Variants in DCDC1 observed in about 807,000 individuals in gnomAD.
The protein encoded by DCDC1 is doublecortin domain containing 1.
DCDC1 carries 200 observed loss-of-function variants against 178.3 expected under a neutral mutation model. The observed-to-expected ratio is 1.12, with a 90% CI of 1.00 to 1.26. The LOEUF (loss-of-function observed/expected upper bound fraction) is 1.26, where lower values mean the gene tolerates loss of function less well. DCDC1 is among the 50% of genes most tolerant of loss of function. The pLI is 0.00. For missense variants in DCDC1, 1,983 were observed against 1,749.2 expected (o/e 1.13, Z -2.38); for synonymous variants, 690 against 604.8 (o/e 1.14, Z -2.07).
chr11:31,046,096 A>G (rs1360959654), intron 20 of DCDC1, among the ~76,000 whole-genome samples: 1 of 152,168 alleles, frequency 6.6e-6, no homozygotes, highest in Non-Finnish European at 1.5e-5. Flanking sequence ...GTTCAATCAC[A>G]AGACTCCCTT....
chr11:31,356,936 C>A (rs1431174221), intron 1 of DCDC1, among the ~76,000 whole-genome samples: 1 of 152,130 alleles, frequency 6.6e-6, no homozygotes, highest in Non-Finnish European at 1.5e-5. Context: ...GAAATTGTGG[C>A]AATAATCAAT....
rs147863843 is a variant in DCDC1 at position 30,912,602 on chromosome 11, A to G, written c.3654-1182T>C. Among the ~76,000 whole-genome samples the G allele has an allele frequency of 6.1e-3, 924 of 152,260 alleles. 5 individuals are homozygous for G. Among genetic ancestry groups the G allele is most frequent in the African/African-American group, 0.021 (883 of 41,556 alleles). ...CCGGCCCTGTTTCAGTTATTCTGTTATAAGTAACAGAAACTAGACTAAGAC... is the reference window on the plus strand; with the variant it reads ...CCGGCCCTGTTTCAGTTATTCTGTTGTAAGTAACAGAAACTAGACTAAGAC... On this transcript the variant is annotated intron_variant, in intron 27 of 38. Coordinates refer to ENST00000684477, the MANE Select transcript of DCDC1 (RefSeq NM_001387274.1).
chr11:31,074,635 T>A (rs1956760353), intron 18 of DCDC1, among the ~76,000 whole-genome samples: 1 of 152,152 alleles, frequency 6.6e-6, no homozygotes, highest in Admixed American at 6.5e-5. Flanking sequence ...GTATGAGAAA[T>A]AAATTTCTAT....
Position 30,920,287 on chromosome 11 carries a change from A to C in DCDC1, c.3293+489T>G, listed in dbSNP as rs570975265. On this transcript the variant is annotated intron_variant, in intron 25 of 38. Transcript: ENST00000684477. ...TGTCTGCAATAGGTACCCTTAAAAA[A>C]CTATGTGAAAAGGATTGTACATTAG... Among the ~76,000 whole-genome samples, 15 of 152,216 alleles carry C rather than the reference A, an allele frequency of 9.9e-5. No homozygotes were observed. In the South Asian group the frequency reaches 3.1e-3, roughly 32 times the overall value.
chr11:31,014,999 T>C (rs371196881), intron 20 of DCDC1, among the ~76,000 whole-genome samples: 1 of 151,704 alleles, frequency 6.6e-6, no homozygotes, highest in African/African-American at 2.4e-5. Flanking sequence ...CCGGGCTGGA[T>C]TGCAGTGGCG....
At chr11:31,012,566 T>C (rs997086317) in intron 20 of DCDC1, among the ~76,000 whole-genome samples, 1 of 151,036 alleles carries the variant, frequency 6.6e-6, no homozygotes, top group Non-Finnish European at 1.5e-5. Flanking sequence ...GACTGTGCCA[T>C]TGCATTCCGG....
chr11:31,021,192 A>G (rs1382410597), intron 20 of DCDC1, among the ~76,000 whole-genome samples: 7 of 152,242 alleles, frequency 4.6e-5, no homozygotes, highest in Admixed American at 6.5e-5. Context: ...AAAATTAAAT[A>G]CAAACATATC....
intron 36 of DCDC1, chr11:30,882,319 T>G (rs1438115862): frequency 1.3e-5 from 2 of 152,164 alleles, no homozygotes; most frequent in Admixed American, 1.3e-4. Context: ...GTATTTTGAG[T>G]AAGGGATGAG....
intron 9 of DCDC1, among the ~76,000 whole-genome samples, chr11:31,191,380 T>C (rs1970111484): frequency 6.6e-6 from 1 of 152,084 alleles, no homozygotes; most frequent in South Asian, 2.1e-4. Flanking sequence ...CTTCTACTAG[T>C]ATTCCCTTTA....
chr11:31,056,056 G>A (rs552914788), intron 20 of DCDC1, among the ~76,000 whole-genome samples: 32 of 152,258 alleles, frequency 2.1e-4, no homozygotes, highest in South Asian at 6.2e-4. Flanking sequence ...AGCATTTAGA[G>A]AGAAAGTGCA....
chr11:31,083,895 C>G (rs1957333625), intron 17 of DCDC1, among the ~76,000 whole-genome samples: 1 of 152,162 alleles, frequency 6.6e-6, no homozygotes, highest in Non-Finnish European at 1.5e-5. Context: ...AAAAATGAAG[C>G]AATATCAATA....
At position 31,082,849 on chromosome 11, in the gene DCDC1, G is replaced by C. The variant is rs1008846260; in HGVS notation, c.2238-4924C>G. Reference sequence around the variant, plus strand: ...GCTCTGGTGTCTACCAATGCTACCCGGGCCAAAAGTAGAATGCACGTAGAG... The same window carrying C: ...GCTCTGGTGTCTACCAATGCTACCCCGGCCAAAAGTAGAATGCACGTAGAG... On this transcript the variant is annotated intron_variant, in intron 17 of 38. Transcript: ENST00000684477. Among the ~76,000 whole-genome samples, 3 of 152,072 alleles carry C rather than the reference G, an allele frequency of 2.0e-5. 1 individual carries two copies. The highest frequency in any genetic ancestry group is 1.5e-5 in the Non-Finnish European group (1 of 67,996).
chr11:30,900,832 A>G (rs1006131944), intron 32 of DCDC1, among the ~76,000 whole-genome samples: 2 of 152,156 alleles, frequency 1.3e-5, no homozygotes, highest in Non-Finnish European at 2.9e-5. Context: ...GTATAGGAAT[A>G]GACTAAATCC....
At chr11:31,011,842 GTAAC>G (rs1185411206) in intron 20 of DCDC1, among the ~76,000 whole-genome samples, 6 of 152,184 alleles carry the variant, frequency 3.9e-5, no homozygotes. Flanking sequence ...ATATTATGTG[GTAAC>G]TAAAAGATAG....
chr11:31,368,883 A>G (rs952014283), intron 1 of DCDC1, among the ~76,000 whole-genome samples: 1 of 152,198 alleles, frequency 6.6e-6, no homozygotes, highest in Non-Finnish European at 1.5e-5. Flanking sequence ...AGCAGCACAA[A>G]GAAGTAATAA....
intron 9 of DCDC1, among the ~76,000 whole-genome samples, chr11:31,209,586 G>A (rs998351641): frequency 3.3e-5 from 5 of 152,208 alleles, no homozygotes; most frequent in African/African-American, 4.8e-5. Flanking sequence ...CATCTACAAT[G>A]CATGGTTGAC....
chr11:30,926,544 C>T (rs1488335347), intron 22 of DCDC1, among the ~76,000 whole-genome samples: 1 of 152,102 alleles, frequency 6.6e-6, no homozygotes, highest in African/African-American at 2.4e-5. Flanking sequence ...AAAAGTAGAG[C>T]TACAGGAGAC....
chr11:30,926,921 A>C (rs1487924018), intron 22 of DCDC1, among the ~76,000 whole-genome samples: 1 of 151,998 alleles, frequency 6.6e-6, no homozygotes, highest in East Asian at 1.9e-4. Context: ...ACATAGCAAG[A>C]TCCCTATTTT....
chr11:31,174,633 T>C (rs1020600829), intron 9 of DCDC1, among the ~76,000 whole-genome samples: 1 of 152,172 alleles, frequency 6.6e-6, no homozygotes, highest in African/African-American at 2.4e-5. Flanking sequence ...AAACTTGTGA[T>C]GCTTTTCCAG....
Sources: gnomAD v4.1 joint callset for allele counts (sites outside exome capture counted in the v4.1 genomes callset) on GRCh38, gnomAD v4.1.1 for gene constraint, MANE v1.5 for transcripts, NCBI Gene and HGNC (gene_info 2026-07-23, HGNC 2026-07-21) for gene names.